SAMMSON: variants seen among roughly 807,000 people sequenced by gnomAD.
The protein encoded by SAMMSON is long intergenic non-protein coding RNA 1212.
chr3:70,154,418 G>C (rs1030745216), intron 4 of SAMMSON, among the ~76,000 whole-genome samples: 28 of 151,992 alleles, frequency 1.8e-4, no homozygotes, highest in African/African-American at 6.5e-4. Flanking sequence ...CATAAGGCCA[G>C]GCTGTCTGGT....
At chr3:70,041,979 G>A (rs1193252162) in intron 3 of SAMMSON, among the ~76,000 whole-genome samples, 1 of 152,064 alleles carries the variant, frequency 6.6e-6, no homozygotes. Flanking sequence ...GACATTATTT[G>A]GACTCTGGTG....
intron 2 of SAMMSON, chr3:70,013,377 A>G (rs2066967026): frequency 6.6e-6 from 1 of 152,156 alleles, no homozygotes; most frequent in South Asian, 2.1e-4. Context: ...GGCACATAGT[A>G]AGTGCTCAGT....
chr3:70,145,360 T>C (rs919686335), intron 4 of SAMMSON, among the ~76,000 whole-genome samples: 9 of 152,264 alleles, frequency 5.9e-5, no homozygotes, highest in South Asian at 2.1e-4. Context: ...TGGAATCAAA[T>C]TGACGTTTTT....
chr3:70,422,368 A>G (rs1701320225), intron 2 of SAMMSON, among the ~76,000 whole-genome samples: 1 of 152,074 alleles, frequency 6.6e-6, no homozygotes, highest in Admixed American at 6.5e-5. Context: ...AACGTACATT[A>G]GGTAATTTCT....
intron 4 of SAMMSON, among the ~76,000 whole-genome samples, chr3:70,103,554 A>G (rs1346990549): frequency 6.6e-6 from 1 of 152,214 alleles, no homozygotes; most frequent in Admixed American, 6.5e-5. Flanking sequence ...TCACCCTAAA[A>G]GATTGTGAAT....
intron 5 of SAMMSON, chr3:70,249,241 C>G (rs368583022): frequency 5.9e-5 from 9 of 152,068 alleles, no homozygotes; most frequent in African/African-American, 2.2e-4. Context: ...ATTTACTAAC[C>G]GGTTTGAAGG....
chr3:70,277,661 G>C (rs924682209), intron 6 of SAMMSON, among the ~76,000 whole-genome samples: 1 of 152,102 alleles, frequency 6.6e-6, no homozygotes, highest in Non-Finnish European at 1.5e-5. Context: ...AAGTATGGTC[G>C]AGTATGGGGA....
chr3:70,432,601 T>G (rs1394133445), intron 2 of SAMMSON, among the ~76,000 whole-genome samples: 1 of 152,038 alleles, frequency 6.6e-6, no homozygotes, highest in Non-Finnish European at 1.5e-5. Flanking sequence ...CTCCTATTTC[T>G]AACACCTTGT....
chr3:70,052,633 T>C (rs1258576022), intron 3 of SAMMSON, among the ~76,000 whole-genome samples: 1 of 152,142 alleles, frequency 6.6e-6, no homozygotes, highest in East Asian at 1.9e-4. Flanking sequence ...AACATATGCA[T>C]ATTTGCATGT....
intron 3 of SAMMSON, among the ~76,000 whole-genome samples, chr3:70,033,851 C>T (rs1162819069): frequency 6.6e-6 from 1 of 151,924 alleles, no homozygotes; most frequent in Non-Finnish European, 1.5e-5. Flanking sequence ...GGATGAATGA[C>T]GATGTCTTTA....
intron 1 of SAMMSON, among the ~76,000 whole-genome samples, chr3:70,009,604 A>AT (rs2066945314): frequency 6.6e-6 from 1 of 151,320 alleles, no homozygotes; most frequent in South Asian, 2.1e-4. Context: ...GGATTCATTG[A>AT]TTTTTTTGAA....
chr3:70,136,912 CAAT>C (rs2067508243), intron 4 of SAMMSON, among the ~76,000 whole-genome samples: 1 of 152,038 alleles, frequency 6.6e-6, no homozygotes, highest in Non-Finnish European at 1.5e-5. Flanking sequence ...AGGAAATAAA[CAAT>C]AATATCAACA....
chr3:70,404,888 A>G (rs1489418360), intron 2 of SAMMSON, among the ~76,000 whole-genome samples: 1 of 152,162 alleles, frequency 6.6e-6, no homozygotes, highest in Non-Finnish European at 1.5e-5. Flanking sequence ...TAATGGAGAG[A>G]ATGGAACTTA....
intron 6 of SAMMSON, among the ~76,000 whole-genome samples, chr3:70,271,287 G>T (rs953042628): frequency 6.6e-6 from 1 of 152,078 alleles, no homozygotes; most frequent in Non-Finnish European, 1.5e-5. Flanking sequence ...ATCATGAAAA[G>T]GACCTGGTAG....
At chr3:70,137,089 C>T (rs377305056) in intron 4 of SAMMSON, among the ~76,000 whole-genome samples, 7 of 152,254 alleles carry the variant, frequency 4.6e-5, no homozygotes, top group East Asian at 3.9e-4. Flanking sequence ...TCCCATCTTA[C>T]GTCCAATGGT....
chr3:70,187,476 C>A (rs188677423), intron 4 of SAMMSON, among the ~76,000 whole-genome samples: 2,953 of 119,288 alleles, frequency 0.025, 50 homozygotes, highest in Non-Finnish European at 0.036. Flanking sequence ...TTCGCTCTGT[C>A]GCCCAGGCTG....
chr3:70,381,078 C>A (rs953744704), intron 9 of SAMMSON, among the ~76,000 whole-genome samples: 2 of 152,096 alleles, frequency 1.3e-5, no homozygotes, highest in Non-Finnish European at 2.9e-5. Flanking sequence ...ACTGCTGTGT[C>A]AAATGAATAC....
At chr3:70,162,563 T>C (rs2067619695) in intron 4 of SAMMSON, among the ~76,000 whole-genome samples, 1 of 151,916 alleles carries the variant, frequency 6.6e-6, no homozygotes, top group Non-Finnish European at 1.5e-5. Flanking sequence ...AGTTTATCTG[T>C]CCTGGAGAAT....
chr3:70,011,023 C>T (rs752854360), intron 1 of SAMMSON, among the ~76,000 whole-genome samples: 1 of 152,078 alleles, frequency 6.6e-6, no homozygotes, highest in Non-Finnish European at 1.5e-5. Flanking sequence ...GTAGGGATTA[C>T]AATTCAAGGT....
Sources: gnomAD v4.1 joint callset for allele counts (sites outside exome capture counted in the v4.1 genomes callset) on GRCh38, gnomAD v4.1.1 for gene constraint, MANE v1.5 for transcripts, NCBI Gene and HGNC (gene_info 2026-07-23, HGNC 2026-07-21) for gene names.